SEC24B: variants seen among roughly 807,000 people sequenced by gnomAD.
SEC24B encodes the protein SEC24 homolog B, COPII component, also known as protein transport protein Sec24B.
A neutral mutation model predicts 142.8 loss-of-function variants in SEC24B; 45 were observed. That is an observed-to-expected ratio of 0.32 (90% CI 0.25 to 0.40). The LOEUF is 0.40. Ranked by LOEUF, SEC24B falls within the 10% of genes least tolerant of loss-of-function variation. SEC24B has a pLI of 1.00. For synonymous variants in SEC24B, 574 were observed against 568.2 expected (o/e 1.01, Z -0.15); for missense variants, 1,409 against 1,526.8 (o/e 0.92, Z 1.29).
chr4:109,527,588 TG>T (rs1475309800), intron 18 of SEC24B, among the ~76,000 whole-genome samples, 156 bp downstream of exon 18: 2 of 152,098 alleles, frequency 1.3e-5, no homozygotes, highest in Non-Finnish European at 2.9e-5. Context: ...CTGGCCAACA[TG>T]GTGAAACCCC....
chr4:109,437,564 A>G (rs1728517257), intron 1 of SEC24B, among the ~76,000 whole-genome samples: 1 of 152,218 alleles, frequency 6.6e-6, no homozygotes, highest in Admixed American at 6.5e-5. Flanking sequence ...TCTTGCGATT[A>G]TAGGTGTGAG....
intron 11 of SEC24B, among the ~76,000 whole-genome samples, chr4:109,518,311 C>T (rs1327092065): frequency 6.6e-6 from 1 of 152,156 alleles, no homozygotes; most frequent in South Asian, 2.1e-4. Context: ...CTGGAAAGTA[C>T]AGTTGTTTGC....
Position 109,433,877 on chromosome 4 carries a change from C to G in SEC24B, c.8C>G (p.Ala3Gly). 1 of 1,339,088 alleles carries G rather than the reference C, an allele frequency of 7.5e-7. No homozygotes were observed. The highest frequency in any genetic ancestry group is 1.8e-5 in the South Asian group (1 of 56,046). The allele number at this position is 1,339,088 out of a possible 1,614,324, so 83.0% of individuals were successfully genotyped here. The part of the protein sequence containing the change: MS[A>G]PAGSSHPAAS... ...GTCGCCACCAGCGCCGTCATGTCGG[C>G]CCCCGCCGGGTCCTCTCACCCGGCC... The change falls in exon 1 of 24, where the codon GCC becomes GGC. Residue 3 changes from alanine to glycine, a missense_variant. Coordinates refer to ENST00000265175, the MANE Select transcript of SEC24B (RefSeq NM_006323.5).
At chr4:109,458,706 A>G (rs962686806) in intron 1 of SEC24B, among the ~76,000 whole-genome samples, 12 of 152,214 alleles carry the variant, frequency 7.9e-5, no homozygotes, top group African/African-American at 2.7e-4. Flanking sequence ...GATACATTAT[A>G]ATCCCACTTT....
chr4:109,476,505 T>G lies in SEC24B; in HGVS notation c.1060+3319T>G, dbSNP rs979088923. Among the ~76,000 whole-genome samples, 2 of 152,262 alleles carry G rather than the reference T, an allele frequency of 1.3e-5. 1 individual carries two copies. Among genetic ancestry groups the G allele is most frequent in the Admixed American group, 1.3e-4 (2 of 15,292 alleles). On this transcript the variant is annotated intron_variant, in intron 3 of 23. Coordinates refer to ENST00000265175, the MANE Select transcript of SEC24B (RefSeq NM_006323.5). The stretch of plus-strand genomic sequence containing the variant: ...TAAATTTCATTCTTAGTTTTTATTT[T>G]CATACATATAATTGCTGAGAAACAT...
intron 1 of SEC24B, among the ~76,000 whole-genome samples, chr4:109,453,335 A>G (rs1053297696): frequency 2.0e-5 from 3 of 149,628 alleles, no homozygotes; most frequent in African/African-American, 7.3e-5. Flanking sequence ...CCAGGCTGGA[A>G]TTTCCTAATC....
chr4:109,466,287 G>A (rs900291467), intron 2 of SEC24B, among the ~76,000 whole-genome samples: 3 of 152,146 alleles, frequency 2.0e-5, no homozygotes, highest in Non-Finnish European at 4.4e-5. Context: ...CTTGTACTAG[G>A]TACAGGGTAA....
intron 6 of SEC24B, among the ~76,000 whole-genome samples, chr4:109,496,329 T>C (rs1171928644): frequency 5.3e-5 from 8 of 152,076 alleles, no homozygotes; most frequent in African/African-American, 1.9e-4. Context: ...GCCAGGCTGG[T>C]CTTGAACTCC....
At chr4:109,512,658 T>G (rs1737476517) in intron 9 of SEC24B, among the ~76,000 whole-genome samples, 1 of 152,050 alleles carries the variant, frequency 6.6e-6, no homozygotes, top group Non-Finnish European at 1.5e-5. Flanking sequence ...TATTTTTTTT[T>G]TTTAATTTTT....
intron 6 of SEC24B, among the ~76,000 whole-genome samples, chr4:109,501,256 G>A (rs1401214538): frequency 3.9e-5 from 6 of 152,144 alleles, no homozygotes; most frequent in Non-Finnish European, 7.3e-5. Context: ...TGTAGCCTAG[G>A]AGCAATAGGC....
intron 5 of SEC24B, among the ~76,000 whole-genome samples, chr4:109,492,754 A>G (rs1263152079): frequency 6.6e-6 from 1 of 152,126 alleles, no homozygotes; most frequent in Non-Finnish European, 1.5e-5. Flanking sequence ...TTAGACCTTC[A>G]TGTTTATTGG....
chr4:109,465,561 C>G (rs1438825138), intron 2 of SEC24B, among the ~76,000 whole-genome samples: 1 of 152,188 alleles, frequency 6.6e-6, no homozygotes, highest in Non-Finnish European at 1.5e-5. Flanking sequence ...CTTCTTTCAA[C>G]ATTCTATTTA....
chr4:109,446,720 A>G (rs1323609925), intron 1 of SEC24B, among the ~76,000 whole-genome samples: 1 of 152,252 alleles, frequency 6.6e-6, no homozygotes, highest in Non-Finnish European at 1.5e-5. Context: ...ATTATGGTAT[A>G]AATTATTTTA....
At chr4:109,514,695 C>T (rs1737735667) in intron 10 of SEC24B, among the ~76,000 whole-genome samples, 2 of 152,220 alleles carry the variant, frequency 1.3e-5, no homozygotes, top group Admixed American at 1.3e-4. Context: ...AAGACTCCGT[C>T]TCAAAAACAA....
intron 10 of SEC24B, among the ~76,000 whole-genome samples, chr4:109,514,605 C>T (rs1008890292): frequency 5.3e-5 from 8 of 151,932 alleles, no homozygotes; most frequent in South Asian, 2.1e-4. Flanking sequence ...AGGCTGAGGC[C>T]GAGAATTGCT....
At chr4:109,504,547 AGTTAGATCTAATG>A (rs1736494656) in intron 6 of SEC24B, among the ~76,000 whole-genome samples, 1 of 151,908 alleles carries the variant, frequency 6.6e-6, no homozygotes, top group African/African-American at 2.4e-5. Context: ...ATGGATTGGG[AGTTAGATCTAATG>A]GTTGATTATA....
intron 1 of SEC24B, among the ~76,000 whole-genome samples, chr4:109,450,518 C>T (rs375747854): frequency 7.7e-4 from 117 of 151,470 alleles, no homozygotes; most frequent in Admixed American, 1.7e-3. Context: ...ATTAGCTGGA[C>T]GCAGTGGCAG....
At chr4:109,479,357 G>A (rs1408446267) in intron 3 of SEC24B, among the ~76,000 whole-genome samples, 2 of 152,050 alleles carry the variant, frequency 1.3e-5, no homozygotes, top group African/African-American at 2.4e-5. Context: ...TTCTACAGTG[G>A]GTTTCAGGCT....
rs2126061369 is a variant in SEC24B at position 109,516,588 on chromosome 4, G to A, written c.2074G>A (p.Glu692Lys). 1 of 1,613,196 alleles carries A rather than the reference G, an allele frequency of 6.2e-7. No homozygotes were observed. The highest frequency in any genetic ancestry group is 8.5e-7 in the Non-Finnish European group (1 of 1,179,510). Residue 692 changes from glutamate (E) to lysine (K), a missense_variant, in exon 11 of 24, where the codon GAA (glutamate) becomes AAA (lysine). Physicochemically the swap from Glu to Lys is moderately conservative, Grantham distance 56. Transcript: ENST00000265175. ...TTTAGATGTGTCTCATAATGCAGTG[G>A]AAGCTGGATATTTGACAATTTTGTG... The part of the protein sequence containing the change: ...FVLDVSHNAV[E>K]AGYLTILCQS...
Sources: allele counts gnomAD v4.1 joint callset (sites outside exome capture counted in the v4.1 genomes callset), GRCh38; gene constraint gnomAD v4.1.1; transcripts MANE v1.5; gene names NCBI Gene and HGNC (gene_info 2026-07-23, HGNC 2026-07-21).